The following PHPT1 variants were observed in gnomAD, a reference collection of about 807,000 sequenced individuals.
PHPT1 encodes the protein phosphohistidine phosphatase 1.
Under a neutral mutation model 15.6 loss-of-function variants are expected in PHPT1, and 16 were observed. The ratio of observed to expected loss-of-function variants is 1.03; its 90% confidence interval spans 0.70 to 1.56. PHPT1 has a LOEUF of 1.56. PHPT1 is among the 40% of genes most tolerant of loss of function. The pLI, the probability that PHPT1 is intolerant of heterozygous loss-of-function variation, is 0.00. For missense variants in PHPT1, 228 were observed against 171.0 expected, an observed-to-expected ratio of 1.33 and a Z score of -1.86; for synonymous variants, 102 against 68.1, an observed-to-expected ratio of 1.50 and a Z score of -2.45.
intron 2 of PHPT1, chr9:136,850,400 G>A (rs1383564247): frequency 1.8e-6 from 2 of 1,088,162 alleles, no homozygotes; most frequent in East Asian, 2.6e-5. Context: ...GCCTTGCTGG[G>A]CTCTAGCTGT....
chr9:136,849,534 C>T lies in PHPT1; in HGVS notation c.104C>T (p.Ala35Val). The change falls in exon 1 of 3, where the codon GCT becomes GTT. Residue 35 changes from alanine (A) to valine (V), a missense_variant. By Grantham distance (64) the Ala-to-Val change is moderately conservative. Transcript: ENST00000247665. Reference protein sequence around the residue: ...IRVHSAPRSGAPAAESKEIVR... With the variant: ...IRVHSAPRSGVPAAESKEIVR... ...GTCCACTCGGCTCCCCGCTCCGGGG[C>T]TCCGGCTGCAGAGAGCAAGGAGATC... 10 of 1,611,244 alleles carry T rather than the reference C, an allele frequency of 6.2e-6. No individual in the cohort carries two copies. Among genetic ancestry groups the T allele is most frequent in the Non-Finnish European group, 7.6e-6 (9 of 1,179,568 alleles).
In PHPT1 at chr9:136,850,127, G is replaced by A; in HGVS notation, c.275G>A (p.Gly92Asp). ...CAGGACAAGAAGATTCACGTGTACG[G>A]CTATTCCATGGTGAGCCGCAGCCCC... Reference protein sequence around the residue: ...QSQDKKIHVYGYSMAYGPAQH... With the variant: ...QSQDKKIHVYDYSMAYGPAQH... The change falls in exon 2 of 3, where the codon GGC becomes GAC. Residue 92 changes from glycine (G) to aspartate (D), a missense_variant. Physicochemically the swap from Gly to Asp is moderately conservative, Grantham distance 94 (BLOSUM62 -1). Coordinates refer to ENST00000247665, the MANE Select transcript of PHPT1 (RefSeq NM_014172.6). The A allele has an allele frequency of 6.2e-7, 1 of 1,613,144 alleles. No homozygotes were observed. The highest frequency in any genetic ancestry group is 8.5e-7 in the Non-Finnish European group (1 of 1,179,912).
intron 1 of PHPT1, 133 bp downstream of exon 1, chr9:136,849,723 ACTGCGCTCTGCTCCGAGTC>A: frequency 1.2e-6 from 1 of 831,390 alleles, no homozygotes; most frequent in South Asian, 2.1e-5. Context: ...GCCGTAGCGG[ACTGCGCTCTGCTCCGAGTC>A]CTGCCCCTGC....
chr9:136,850,320 A>G, intron 2 of PHPT1, 183 bp downstream of exon 2: 1 of 860,730 alleles, frequency 1.2e-6, no homozygotes, highest in Non-Finnish European at 1.8e-6. Context: ...CATGGAGCAC[A>G]CGCCAGACCT....
chr9:136,849,617 A>C (rs1164749034), intron 1 of PHPT1, 27 bp downstream of exon 1: 2 of 840,768 alleles, frequency 2.4e-6, no homozygotes, highest in East Asian at 8.6e-5. Flanking sequence ...CGGGCATGCC[A>C]GGGGCACGCC....
rs762995256 is a variant in PHPT1 at position 136,849,459 on chromosome 9, C to T, written c.29C>T (p.Pro10Leu). Residue 10 changes from proline to leucine, a missense_variant, in exon 1 of 3, where the codon CCT becomes CTT. Pro to Leu is a moderately conservative substitution (Grantham distance 98, BLOSUM62 -3). Transcript: ENST00000247665. MAVADLALI[P>L]DVDIDSDGVF... ...GCGGTGGCGGACCTCGCTCTCATTC[C>T]TGATGTGGACATCGACTCCGACGGC... The T allele has an allele frequency of 1.1e-5, 18 of 1,610,752 alleles. No individual in the cohort carries two copies. Among genetic ancestry groups the T allele is most frequent in the Middle Eastern group, 1.7e-4 (1 of 6,056 alleles).
Position 136,849,515 on chromosome 9 carries a change from T to C in PHPT1, c.85T>C (p.Ser29Pro). 6.2e-7 allele frequency: 1 copy of C among 1,611,460 alleles called. No individual in the cohort carries two copies. The highest frequency in any genetic ancestry group is 8.5e-7 in the Non-Finnish European group (1 of 1,179,512). ...CAAGTATGTGCTGATCCGAGTCCAC[T>C]CGGCTCCCCGCTCCGGGGCTCCGGC... ...VFKYVLIRVH[S>P]APRSGAPAAE... The change falls in exon 1 of 3, where the codon TCG (serine) becomes CCG (proline). Residue 29 changes from serine to proline, a missense_variant. Physicochemically the swap from Ser to Pro is moderately conservative, Grantham distance 74. Coordinates refer to ENST00000247665, the MANE Select transcript of PHPT1 (RefSeq NM_014172.6).
At chr9:136,849,890 G>A in intron 1 of PHPT1, 123 bp from the exon 2 acceptor site, 2 of 1,043,930 alleles carry the variant, frequency 1.9e-6, no homozygotes, top group Non-Finnish European at 2.8e-6. Flanking sequence ...GCCTCAAGGG[G>A]CTTCGTCTCT....
chr9:136,850,058 G>T lies in PHPT1; in HGVS notation c.206G>T (p.Cys69Phe), dbSNP rs1848867563. The T allele has an allele frequency of 7.4e-6, 12 of 1,613,102 alleles. No homozygotes were observed. The highest frequency in any genetic ancestry group is 1.3e-5 in the African/African-American group (1 of 74,932). Residue 69 changes from cysteine to phenylalanine, a missense_variant, in exon 2 of 3, where the codon TGC becomes TTC. Physicochemically the swap from Cys to Phe is radical, Grantham distance 205. Transcript: ENST00000247665. ...KVSGDMQKQG[C>F]DCECLGGGRI... The stretch of plus-strand genomic sequence containing the variant: ...TCGGGCGACATGCAGAAGCAAGGCT[G>T]CGACTGTGAGTGTCTGGGCGGCGGG...
rs1205384757 is a variant in PHPT1, at chr9:136,849,568, C to T, written c.138C>T (p.Gly46=). ...PAAESKEIVR[G]YKWAEYHADI... is the part of the protein sequence containing the mutation. ...CAGAGAGCAAGGAGATCGTGCGCGG[C>T]TACAAGTGGGCTGAGTACCATGGTG... The change falls in exon 1 of 3, where the codon GGC becomes GGT. Residue 46 remains glycine (G), a synonymous_variant. Transcript: ENST00000247665. 1.9e-6 allele frequency: 3 copies of T among 1,604,756 alleles called. No individual in the cohort carries two copies. The highest frequency in any genetic ancestry group is 2.5e-6 in the Non-Finnish European group (3 of 1,177,348).
At chr9:136,849,666 G>A (rs1407817268) in intron 1 of PHPT1, 76 bp downstream of exon 1, 2 of 1,022,040 alleles carry the variant, frequency 2.0e-6, no homozygotes, top group East Asian at 3.2e-5. Context: ...CGGAGACGGG[G>A]CTGACGAGGC....
At chr9:136,850,225 A>G (rs767314358) in intron 2 of PHPT1, 88 bp downstream of exon 2, 2 of 1,562,616 alleles carry the variant, frequency 1.3e-6, no homozygotes, top group Non-Finnish European at 1.8e-6. Flanking sequence ...CCGTGGCCCC[A>G]GCTGAGCACG....
intron 2 of PHPT1, chr9:136,850,538 AG>A: frequency 6.2e-7 from 1 of 1,611,952 alleles, no homozygotes; most frequent in Non-Finnish European, 8.5e-7. Flanking sequence ...TGGGCGCCTC[AG>A]GCCCCAGGAT....
At chr9:136,850,579 G>A in intron 2 of PHPT1, 176 bp from the exon 3 acceptor site, 2 of 1,608,540 alleles carry the variant, frequency 1.2e-6, no homozygotes, top group Non-Finnish European at 1.7e-6. Context: ...GCCTGTGGAG[G>A]TCGCCTCTCC....
rs780203519 is a variant in PHPT1, at chr9:136,850,063, TGTGA to T, written c.215_218del (p.Glu72ValfsTer91). 1.4e-5 allele frequency: 23 copies of T among 1,613,080 alleles called. No individual in the cohort carries two copies. Among genetic ancestry groups the T allele is most frequent in the Admixed American group, 3.3e-5 (2 of 60,000 alleles). ...CGACATGCAGAAGCAAGGCTGCGAC[TGTGA>T]GTGTCTGGGCGGCGGGCGCATCTCC... is the stretch of plus-strand genomic sequence containing the variant. On this transcript the variant is annotated frameshift_variant, in exon 2 of 3. Transcript: ENST00000247665. LOFTEE classifies it high-confidence loss of function.
At position 136,850,006 on chromosome 9, in the gene PHPT1, A is replaced by C; in HGVS notation, c.161-7A>C. ...GGGCACGTCCTGAGGCCGCCCTCCCATCCCAGCGGACATCTACGACAAAGT... is the reference window on the plus strand; with the variant it reads ...GGGCACGTCCTGAGGCCGCCCTCCCCTCCCAGCGGACATCTACGACAAAGT... On this transcript the variant is annotated splice_polypyrimidine_tract_variant and splice_region_variant and intron_variant, in intron 1 of 2. Coordinates refer to ENST00000247665, the MANE Select transcript of PHPT1 (RefSeq NM_014172.6). 2 of 1,608,408 alleles carry C rather than the reference A, an allele frequency of 1.2e-6. No individual in the cohort carries two copies. Among genetic ancestry groups the C allele is most frequent in the Non-Finnish European group, 1.7e-6 (2 of 1,176,914 alleles).
At chr9:136,849,771 A>C in intron 1 of PHPT1, 181 bp downstream of exon 1, 1 of 748,420 alleles carries the variant, frequency 1.3e-6, no homozygotes, top group Non-Finnish European at 2.1e-6. Flanking sequence ...ACCCAGGCTG[A>C]GGTCCTGGGC....
rs1848859377 is a variant in PHPT1, at chr9:136,849,780, G to T, written c.160+190G>T. 3 of 729,862 alleles carry T rather than the reference G, an allele frequency of 4.1e-6. No individual in the cohort carries two copies. The East Asian group carries it at 8.7e-5, about 21-fold the overall frequency. 45.2% of individuals were successfully genotyped at this position (729,862 alleles called of 1,614,324 possible). ...GGTTTGACCCAGGCTGAGGTCCTGGGCGGGAAGGGCGTGACACGGCCTGAC... is the reference window on the plus strand; with the variant it reads ...GGTTTGACCCAGGCTGAGGTCCTGGTCGGGAAGGGCGTGACACGGCCTGAC... On this transcript the variant is annotated intron_variant, in intron 1 of 2. Transcript: ENST00000247665.
chr9:136,849,683 G>C (rs1193012680), intron 1 of PHPT1, 93 bp downstream of exon 1: 1 of 788,864 alleles, frequency 1.3e-6, no homozygotes, highest in Non-Finnish European at 1.8e-6. Flanking sequence ...AGGCAGGGGC[G>C]GGGCTGGCGG....
Sources: allele counts gnomAD v4.1 joint callset, GRCh38; gene constraint gnomAD v4.1.1; transcripts MANE v1.5; gene names NCBI Gene and HGNC (gene_info 2026-07-23, HGNC 2026-07-21).